Variants in KLHL29 observed in about 807,000 individuals in gnomAD.
The protein encoded by KLHL29 is kelch-like protein 29.
A neutral mutation model predicts 80.4 loss-of-function variants in KLHL29; 21 were observed. The ratio of observed to expected loss-of-function variants is 0.26; its 90% CI spans 0.19 to 0.38. The LOEUF (loss-of-function observed/expected upper bound fraction) is 0.38, where lower values mean the gene tolerates loss of function less well. KLHL29 is among the 10% of genes least tolerant of loss of function. The pLI is 1.00. For missense variants in KLHL29, 867 were observed against 1,223.9 expected, an observed-to-expected ratio of 0.71 and a Z score of 4.35; for synonymous variants, 511 against 526.8, an observed-to-expected ratio of 0.97 and a Z score of 0.41.
chr2:23,693,575 C>A (rs771992650), intron 8 of KLHL29, 47 bp downstream of exon 8: 2 of 1,525,794 alleles, frequency 1.3e-6, no homozygotes, highest in Non-Finnish European at 1.8e-6. Flanking sequence ...GTTTGGGGTC[C>A]CCCTGCGGCA....
At chr2:23,651,038 A>G (rs1409847262) in intron 5 of KLHL29, among the ~76,000 whole-genome samples, 5 of 152,224 alleles carry the variant, frequency 3.3e-5, no homozygotes, top group Admixed American at 1.3e-4. Context: ...GAGCACACTC[A>G]CTATTCTAGA....
chr2:23,472,907 T>C (rs760271576), intron 1 of KLHL29, among the ~76,000 whole-genome samples: 2 of 152,176 alleles, frequency 1.3e-5, no homozygotes, highest in African/African-American at 2.4e-5. Flanking sequence ...GGTCTTGAAA[T>C]AGACATATTC....
intron 1 of KLHL29, among the ~76,000 whole-genome samples, chr2:23,458,056 T>A (rs1046041433): frequency 2.6e-5 from 4 of 152,078 alleles, no homozygotes; most frequent in Non-Finnish European, 5.9e-5. Flanking sequence ...GGATGCCTGC[T>A]CCTGGGGAAA....
At chr2:23,664,205 A>G (rs190515357) in intron 5 of KLHL29, among the ~76,000 whole-genome samples, 99 of 152,290 alleles carry the variant, frequency 6.5e-4, no homozygotes, top group African/African-American at 2.3e-3. Context: ...TTTTTATTGC[A>G]TGTTGAAAAG....
Position 23,706,412 on chromosome 2 carries a change from T to C in KLHL29, c.2445-69T>C, listed in dbSNP as rs935275710. The C allele has an allele frequency of 1.3e-5, 16 of 1,276,410 alleles. No homozygotes were observed. In the African/African-American group the frequency reaches 2.2e-4, roughly 17 times the overall value. The allele number at this position is 1,276,410 out of a possible 1,614,324, so 79.1% of individuals were successfully genotyped here. ...AGGCAGCCTACAACAGGACACGACG[T>C]TGAGAACCTATCTCCAGGGCCAAGT... On this transcript the variant is annotated intron_variant, in intron 13 of 13. Transcript: ENST00000486442.
intron 1 of KLHL29, among the ~76,000 whole-genome samples, chr2:23,395,287 G>T (rs1202705518): frequency 6.6e-6 from 1 of 152,098 alleles, no homozygotes; most frequent in Non-Finnish European, 1.5e-5. Context: ...GGTCCACTGG[G>T]TTCTGCCTAA....
chr2:23,578,330 T>C (rs535684786), intron 3 of KLHL29, among the ~76,000 whole-genome samples: 3 of 152,368 alleles, frequency 2.0e-5, no homozygotes, highest in African/African-American at 7.2e-5. Flanking sequence ...TGTCCAAGAT[T>C]GCATCCGGAC....
intron 1 of KLHL29, among the ~76,000 whole-genome samples, chr2:23,424,000 C>T (rs1662931069): frequency 6.6e-6 from 1 of 152,200 alleles, no homozygotes; most frequent in Non-Finnish European, 1.5e-5. Flanking sequence ...CAGCTGTCCA[C>T]CTGTCACACC....
intron 3 of KLHL29, among the ~76,000 whole-genome samples, chr2:23,590,062 T>G (rs1453841069): frequency 6.6e-6 from 1 of 152,214 alleles, no homozygotes; most frequent in African/African-American, 2.4e-5. Context: ...GGCCCAGTGT[T>G]CAGACACCTC....
rs1490955325 is a variant in KLHL29 at position 23,489,044 on chromosome 2, A to G, written c.-46+13377A>G. Among the ~76,000 whole-genome samples, 5 of 152,178 alleles carry G rather than the reference A, an allele frequency of 3.3e-5. No homozygotes were observed. The East Asian group carries it at 7.7e-4, about 23-fold the overall frequency. ...GGTTGTGGACAGATTGACAGAAAATAAAAGTATTGTTTAGGGAAGGGAGGG... is the reference window on the plus strand; with the variant it reads ...GGTTGTGGACAGATTGACAGAAAATGAAAGTATTGTTTAGGGAAGGGAGGG... On this transcript the variant is annotated intron_variant, in intron 2 of 13. Coordinates refer to ENST00000486442, the MANE Select transcript of KLHL29 (RefSeq NM_052920.2).
chr2:23,589,662 A>G (rs79976924), intron 3 of KLHL29, among the ~76,000 whole-genome samples: 5,817 of 152,270 alleles, frequency 0.038, 171 homozygotes, highest in Non-Finnish European at 0.063. Context: ...CCCATTTGGG[A>G]CCTGCAGAGA....
At position 23,658,288 on chromosome 2, in the gene KLHL29, T is replaced by C. The variant is rs1191709982; in HGVS notation, c.940+15438T>C. Among the ~76,000 whole-genome samples the C allele has an allele frequency of 5.3e-5, 8 of 152,012 alleles. No homozygotes were observed. The East Asian group carries it at 1.6e-3, about 30-fold the overall frequency. On this transcript the variant is annotated intron_variant, in intron 5 of 13. Transcript: ENST00000486442. ...GCCCTGCCTGAGCGTCATGGGCTTG[T>C]GAGGAAAACCCCCTGAGCCCTGGAC...
At chr2:23,622,787 G>A (rs778028334) in intron 3 of KLHL29, among the ~76,000 whole-genome samples, 4 of 152,262 alleles carry the variant, frequency 2.6e-5, no homozygotes, top group Admixed American at 1.3e-4. Context: ...TAGCACCCAC[G>A]TGTTCCAGGC....
intron 5 of KLHL29, among the ~76,000 whole-genome samples, chr2:23,645,853 C>T (rs372367213): frequency 5.9e-5 from 9 of 152,296 alleles, no homozygotes; most frequent in East Asian, 1.9e-4. Flanking sequence ...ATAAAGGTGG[C>T]GTGGAAATGC....
rs200351152 is a variant in KLHL29, at chr2:23,639,236, C to T, written c.383C>T (p.Thr128Ile). Residue 128 changes from threonine (T) to isoleucine (I), a missense_variant, in exon 4 of 14, where the codon ACT becomes ATT. Around this residue, in one of 2 missense-constraint regions of KLHL29, gnomAD observed 424 missense variants for 456.9 expected, o/e 0.93. Transcript: ENST00000486442. ...TPINQSTPWDTDEPPSKQMRE... is the reference protein window; with the variant it reads ...TPINQSTPWDIDEPPSKQMRE... Reference sequence around the variant, plus strand: ...ATCAATCAGTCCACACCCTGGGACACTGATGAGCCACCCTCCAAACAGATG... The same window carrying T: ...ATCAATCAGTCCACACCCTGGGACATTGATGAGCCACCCTCCAAACAGATG... The T allele has an allele frequency of 5.8e-6, 9 of 1,548,972 alleles. No homozygotes were observed. The highest frequency in any genetic ancestry group is 1.4e-5 in the African/African-American group (1 of 72,934).
chr2:23,629,372 C>CT lies in KLHL29; in HGVS notation c.286-9755dup, dbSNP rs112358380. On this transcript the variant is annotated intron_variant, in intron 3 of 13. Transcript: ENST00000486442. ...TTCAAAGACTTTCGTTTGTGATGGG[C>CT]TTTTTTTTTTTTCTAGGTGATCTTA... is the stretch of plus-strand genomic sequence containing the variant. Among the ~76,000 whole-genome samples, 983 of 144,824 alleles carry CT rather than the reference C, an allele frequency of 6.8e-3. 11 individuals carry two copies. The highest frequency in any genetic ancestry group is 0.046 in the South Asian group (211 of 4,576).
chr2:23,394,062 A>G (rs931064993), intron 1 of KLHL29, among the ~76,000 whole-genome samples: 15 of 152,370 alleles, frequency 9.8e-5, no homozygotes, highest in African/African-American at 3.1e-4. Flanking sequence ...TGTGCAAAGC[A>G]TACGCCAAAG....
intron 1 of KLHL29, among the ~76,000 whole-genome samples, chr2:23,397,761 A>G (rs916937949): frequency 1.2e-4 from 19 of 152,156 alleles, no homozygotes; most frequent in African/African-American, 4.6e-4. Flanking sequence ...CGTGCTTTCA[A>G]CTCAACAAAC....
rs375560031 is a variant in KLHL29 at position 23,649,902 on chromosome 2, A to G, written c.940+7052A>G. The stretch of plus-strand genomic sequence containing the variant: ...AGGGTAACCCGTGAGGTTCCAGGTC[A>G]GTGACACACGGAGGCCACTCAGGGG... On this transcript the variant is annotated intron_variant, in intron 5 of 13. Coordinates refer to ENST00000486442, the MANE Select transcript of KLHL29 (RefSeq NM_052920.2). Among the ~76,000 whole-genome samples the G allele has an allele frequency of 6.8e-4, 104 of 152,348 alleles. 3 individuals are homozygous for G. The South Asian group carries it at 0.021, about 31-fold the overall frequency.
Sources: gnomAD v4.1 joint callset for allele counts (sites outside exome capture counted in the v4.1 genomes callset) on GRCh38, gnomAD v4.1.1 for gene constraint, gnomAD v4.1.1 regional missense constraint, MANE v1.5 for transcripts, NCBI Gene and HGNC (gene_info 2026-07-23, HGNC 2026-07-21) for gene names.